The following TMEM276 variants were observed in gnomAD, a reference collection of about 807,000 sequenced individuals.
The protein encoded by TMEM276 is transmembrane protein 276.
chr8:144,464,926 G>A, the TMEM276 span: 3 of 1,606,770 alleles, frequency 1.9e-6, no homozygotes, highest in South Asian at 1.1e-5. Context: ...CAGTATGTAC[G>A]AGGACACAGA....
At chr8:144,465,218 G>C in the TMEM276 span, 1 of 1,211,340 alleles carries the variant, frequency 8.3e-7, no homozygotes, top group Non-Finnish European at 1.1e-6. Flanking sequence ...CTGGGGAAGA[G>C]AGAGCGGCGA....
chr8:144,466,909 G>T, the TMEM276 span: 2 of 1,563,158 alleles, frequency 1.3e-6, no homozygotes, highest in Non-Finnish European at 1.7e-6. Flanking sequence ...CGGAGGCCTG[G>T]CTCAAGCACG....
At chr8:144,465,398 T>C in the TMEM276 span, 8 of 1,022,038 alleles carry the variant, frequency 7.8e-6, no homozygotes, top group African/African-American at 5.2e-5. Flanking sequence ...GGCCCGAGCC[T>C]GCGCAACGCA....
chr8:144,465,446 C>T, the TMEM276 span: 8 of 1,003,724 alleles, frequency 8.0e-6, no homozygotes, highest in East Asian at 1.1e-4. Flanking sequence ...TCTGCCGTGC[C>T]CCCAGTTGCG....
At chr8:144,466,483 G>T in the TMEM276 span, 1 of 1,320,988 alleles carries the variant, frequency 7.6e-7, no homozygotes, top group Non-Finnish European at 9.7e-7. Flanking sequence ...GGATGGTGGC[G>T]CCGCGGCGGC....
chr8:144,465,434 C>T, the TMEM276 span: 501 of 1,007,830 alleles, frequency 5.0e-4, 1 homozygote, highest in African/African-American at 6.3e-3. Context: ...GGCCCTGCCT[C>T]CTCTGCCGTG....
chr8:144,464,035 G>A, the TMEM276 span: 4 of 1,532,604 alleles, frequency 2.6e-6, no homozygotes, highest in Non-Finnish European at 3.5e-6. Context: ...GTAGGCAGAA[G>A]AGTCTACCCC....
At chr8:144,464,104 C>A in the TMEM276 span, 2 of 1,591,910 alleles carry the variant, frequency 1.3e-6, no homozygotes, top group South Asian at 1.1e-5. Context: ...AGGGCAGAAA[C>A]CCTGCCTGGC....
the TMEM276 span, chr8:144,466,784 C>T: frequency 2.6e-6 from 4 of 1,533,666 alleles, no homozygotes; most frequent in East Asian, 2.4e-5. Context: ...CCGGGGTCGC[C>T]GGCGCCCAGA....
the TMEM276 span, chr8:144,465,084 C>T: frequency 6.6e-7 from 1 of 1,526,214 alleles, no homozygotes; most frequent in South Asian, 1.2e-5. Flanking sequence ...ATCCCTGAGG[C>T]CACTGCACAC....
chr8:144,466,886 T>C, the TMEM276 span: 3 of 1,541,880 alleles, frequency 1.9e-6, no homozygotes, highest in Non-Finnish European at 2.6e-6. Context: ...TGCCGGGACC[T>C]CCCAGGGAGG....
the TMEM276 span, chr8:144,466,709 C>T: frequency 2.8e-6 from 4 of 1,414,350 alleles, no homozygotes; most frequent in African/African-American, 1.5e-5. Flanking sequence ...AGGGAAGGGG[C>T]CAGCAGGCTG....
the TMEM276 span, chr8:144,464,790 T>G: frequency 6.2e-7 from 1 of 1,612,030 alleles, no homozygotes; most frequent in Non-Finnish European, 8.5e-7. Context: ...GCGCCCCTGC[T>G]CAGCCCCAGT....
chr8:144,466,472 G>T, the TMEM276 span: 1 of 1,350,502 alleles, frequency 7.4e-7, no homozygotes, highest in Non-Finnish European at 9.6e-7. Context: ...CTCTTCCGCA[G>T]GGATGGTGGC....
At chr8:144,464,585 G>C in the TMEM276 span, 1 of 1,609,890 alleles carries the variant, frequency 6.2e-7, no homozygotes, top group Non-Finnish European at 8.5e-7. Context: ...ACCTGGAGCA[G>C]GAAGCCAGCA....
chr8:144,465,510 G>T, the TMEM276 span: 2 of 887,368 alleles, frequency 2.3e-6, no homozygotes, highest in Non-Finnish European at 2.7e-6. Flanking sequence ...GGCTAGAGCG[G>T]CCGGGCGGGG....
the TMEM276 span, chr8:144,465,100 T>G: frequency 2.0e-6 from 3 of 1,495,770 alleles, no homozygotes; most frequent in Admixed American, 6.4e-5. Flanking sequence ...CACACACCTG[T>G]GGAGAAGAAG....
At chr8:144,466,428 CT>C in the TMEM276 span, 19 of 1,347,798 alleles carry the variant, frequency 1.4e-5, no homozygotes, top group Admixed American at 8.0e-5. Context: ...CCATGTACGC[CT>C]TTTACTCGTT....
At chr8:144,466,740 C>T in the TMEM276 span, 1 of 1,507,904 alleles carries the variant, frequency 6.6e-7, no homozygotes, top group East Asian at 2.6e-5. Flanking sequence ...TCCTCAGGGG[C>T]GCCCCTGCCC....
Sources: allele counts gnomAD v4.1 joint callset, GRCh38; gene constraint gnomAD v4.1.1; transcripts MANE v1.5; gene names NCBI Gene and HGNC (gene_info 2026-07-23, HGNC 2026-07-21).